CSGALNACT1: variants seen among roughly 807,000 people sequenced by gnomAD.
CSGALNACT1 encodes the protein chondroitin sulfate N-acetylgalactosaminyltransferase 1, also known as beta4GalNAcT-1.
A neutral mutation model predicts 51.0 loss-of-function variants in CSGALNACT1; 52 were observed. The observed-to-expected ratio is 1.02, with a 90% confidence interval of 0.82 to 1.29. CSGALNACT1 has a LOEUF of 1.29. Among genes scored for constraint, CSGALNACT1 ranks in the 50% most tolerant of loss-of-function variants. CSGALNACT1 has a pLI of 0.00. For synonymous variants in CSGALNACT1, 341 were observed against 254.4 expected, an observed-to-expected ratio of 1.34 and a Z score of -3.24; for missense variants, 935 against 679.2, an observed-to-expected ratio of 1.38 and a Z score of -4.19.
intron 1 of CSGALNACT1, among the ~76,000 whole-genome samples, chr8:19,666,068 A>G: frequency 6.6e-6 from 1 of 152,126 alleles, no homozygotes; most frequent in Non-Finnish European, 1.5e-5. Flanking sequence ...GAGTTATTTC[A>G]AGTTGTTTGT....
intron 9 of CSGALNACT1, among the ~76,000 whole-genome samples, chr8:19,407,016 T>A (rs965614263): frequency 1.3e-5 from 2 of 152,038 alleles, no homozygotes; most frequent in African/African-American, 4.8e-5. Flanking sequence ...GCCTAGAAAA[T>A]TTTTAAATGT....
intron 3 of CSGALNACT1, among the ~76,000 whole-genome samples, chr8:19,563,267 G>A (rs572031558): frequency 2.0e-5 from 3 of 152,178 alleles, no homozygotes; most frequent in South Asian, 2.1e-4. Context: ...ACACACAATC[G>A]GGTCTGTCAG....
At chr8:19,584,372 A>G (rs2046206070) in intron 3 of CSGALNACT1, among the ~76,000 whole-genome samples, 1 of 152,140 alleles carries the variant, frequency 6.6e-6, no homozygotes, top group Non-Finnish European at 1.5e-5. Context: ...TTTTCACATT[A>G]GAATGTCAAA....
intron 5 of CSGALNACT1, among the ~76,000 whole-genome samples, chr8:19,443,106 C>T (rs959298265): frequency 6.6e-6 from 1 of 152,144 alleles, no homozygotes; most frequent in Non-Finnish European, 1.5e-5. Context: ...CTAGCTCTGG[C>T]CTGGTCCTGA....
chr8:19,614,513 A>G (rs568611309), intron 1 of CSGALNACT1, among the ~76,000 whole-genome samples: 8 of 152,230 alleles, frequency 5.3e-5, no homozygotes, highest in Admixed American at 2.0e-4. Context: ...CAATCATCTT[A>G]AAGATACAGC....
chr8:19,614,780 A>T (rs894299048), intron 1 of CSGALNACT1, among the ~76,000 whole-genome samples: 1 of 152,234 alleles, frequency 6.6e-6, no homozygotes, highest in African/African-American at 2.4e-5. Flanking sequence ...GAAGGCAAGA[A>T]GGAAAGTGAC....
intron 1 of CSGALNACT1, among the ~76,000 whole-genome samples, chr8:19,612,837 T>G (rs1465500106): frequency 6.6e-6 from 1 of 151,224 alleles, no homozygotes; most frequent in Non-Finnish European, 1.5e-5. Flanking sequence ...TTTGTGACCC[T>G]TTGGGGAGAC....
intron 4 of CSGALNACT1, among the ~76,000 whole-genome samples, chr8:19,479,586 T>C (rs539592840): frequency 1.2e-4 from 18 of 152,284 alleles, no homozygotes; most frequent in Non-Finnish European, 2.5e-4. Context: ...CTTGGGGGAA[T>C]TGTGATGCCA....
chr8:19,501,912 A>C (rs2076490955), intron 4 of CSGALNACT1, among the ~76,000 whole-genome samples: 1 of 152,248 alleles, frequency 6.6e-6, no homozygotes, highest in Non-Finnish European at 1.5e-5. Flanking sequence ...GGTTGTAAAA[A>C]ATTACTGCGA....
intron 1 of CSGALNACT1, among the ~76,000 whole-genome samples, chr8:19,644,902 C>G (rs1297430022): frequency 6.6e-6 from 1 of 151,986 alleles, no homozygotes; most frequent in Non-Finnish European, 1.5e-5. Flanking sequence ...CCATAAAAGT[C>G]TTATCCCAAC....
chr8:19,490,362 G>C (rs2074086787), intron 4 of CSGALNACT1, among the ~76,000 whole-genome samples: 1 of 152,164 alleles, frequency 6.6e-6, no homozygotes, highest in African/African-American at 2.4e-5. Flanking sequence ...AGGCACTTTT[G>C]ACAGTAGGGT....
intron 1 of CSGALNACT1, among the ~76,000 whole-genome samples, chr8:19,644,567 G>T (rs556686391): frequency 1.3e-4 from 19 of 151,594 alleles, no homozygotes; most frequent in African/African-American, 4.6e-4. Flanking sequence ...AAAATTAGCT[G>T]GGCATAGTGG....
upstream of CSGALNACT1, among the ~76,000 whole-genome samples, chr8:19,685,964 A>C (rs1249916531): frequency 6.6e-6 from 1 of 152,052 alleles, no homozygotes; most frequent in African/African-American, 2.4e-5. Context: ...ATCTACCCAT[A>C]CTCATGTATC....
chr8:19,463,247 A>G (rs759868075), intron 4 of CSGALNACT1, among the ~76,000 whole-genome samples: 1 of 152,100 alleles, frequency 6.6e-6, no homozygotes, highest in Non-Finnish European at 1.5e-5. Context: ...GGTTGATTCT[A>G]TGGCTTCGCT....
chr8:19,591,024 T>C (rs573642401), intron 3 of CSGALNACT1: 1 of 152,302 alleles, frequency 6.6e-6, no homozygotes, highest in African/African-American at 2.4e-5. Context: ...GAGACACTAA[T>C]GGCACCGTGA....
chr8:19,617,976 C>A (rs910613612), intron 1 of CSGALNACT1, among the ~76,000 whole-genome samples: 1 of 152,010 alleles, frequency 6.6e-6, no homozygotes, highest in African/African-American at 2.4e-5. Context: ...AACTCCTGGG[C>A]TCAAGCAATC....
intron 1 of CSGALNACT1, among the ~76,000 whole-genome samples, chr8:19,701,850 A>G (rs542274594): frequency 1.3e-5 from 2 of 152,308 alleles, no homozygotes; most frequent in African/African-American, 2.4e-5. Context: ...AACCACTACA[A>G]GATGATAATA....
intron 2 of CSGALNACT1, among the ~76,000 whole-genome samples, chr8:19,599,517 A>AAAGAAAGAAAGAAAG (rs2049896853): frequency 1.4e-5 from 2 of 148,048 alleles, no homozygotes; most frequent in African/African-American, 5.0e-5. Flanking sequence ...AGAAAGAAAG[A>AAAGAAAGAAAGAAAG]AAGAAAGAAA....
At chr8:19,451,319 C>G (rs1464429429) in intron 5 of CSGALNACT1, among the ~76,000 whole-genome samples, 1 of 152,176 alleles carries the variant, frequency 6.6e-6, no homozygotes, top group African/African-American at 2.4e-5. Flanking sequence ...CTATTAGTCC[C>G]AATTTCTAGG....
Sources: gnomAD v4.1 joint callset for allele counts (sites outside exome capture counted in the v4.1 genomes callset) on GRCh38, gnomAD v4.1.1 for gene constraint, MANE v1.5 for transcripts, NCBI Gene and HGNC (gene_info 2026-07-23, HGNC 2026-07-21) for gene names.